NDUFS5: variants seen among roughly 807,000 people sequenced by gnomAD.
NDUFS5 encodes NADH:ubiquinone oxidoreductase subunit S5.
NDUFS5 carries 7 observed loss-of-function variants against 10.5 expected under a neutral mutation model. The observed-to-expected ratio is 0.66, with a 90% CI of 0.38 to 1.25. The LOEUF (loss-of-function observed/expected upper bound fraction) is 1.25. NDUFS5 is among the 50% of genes most tolerant of loss of function. The pLI is 0.02. For missense variants in NDUFS5, 148 were observed against 140.7 expected (o/e 1.05, Z -0.26); for synonymous variants, 38 against 44.0 (o/e 0.86, Z 0.54).
intron 1 of NDUFS5, among the ~76,000 whole-genome samples, chr1:39,028,395 C>T (rs549861327): frequency 2.0e-4 from 30 of 152,096 alleles, no homozygotes; most frequent in Admixed American, 4.6e-4. Context: ...TTGCACCATG[C>T]GCTGCAGCCT....
At chr1:39,029,285 G>A (rs985643234) in intron 2 of NDUFS5, among the ~76,000 whole-genome samples, 4 of 152,080 alleles carry the variant, frequency 2.6e-5, no homozygotes, top group Admixed American at 2.6e-4. Flanking sequence ...GAGCCACCGT[G>A]CCTGGCCTCC....
intron 2 of NDUFS5, among the ~76,000 whole-genome samples, chr1:39,033,364 GA>G (rs1375173693): frequency 1.3e-5 from 2 of 151,776 alleles, no homozygotes; most frequent in African/African-American, 4.8e-5. Flanking sequence ...ACGAGGTCAG[GA>G]GATCGAGACC....
chr1:39,028,985 T>C, intron 2 of NDUFS5, 45 bp downstream of exon 2: 1 of 1,525,910 alleles, frequency 6.6e-7, no homozygotes, highest in African/African-American at 1.5e-5. Context: ...TTCTTGTTCC[T>C]TTGGGACTCT....
chr1:39,033,117 C>G (rs1268458811), intron 2 of NDUFS5, among the ~76,000 whole-genome samples: 1 of 152,122 alleles, frequency 6.6e-6, no homozygotes, highest in African/African-American at 2.4e-5. Context: ...GCAACCAATG[C>G]CCTGAGTAGA....
At chr1:39,029,033 C>T in intron 2 of NDUFS5, 93 bp downstream of exon 2, 1 of 1,216,054 alleles carries the variant, frequency 8.2e-7, no homozygotes, top group Non-Finnish European at 1.1e-6. Flanking sequence ...ACTCTTGTCC[C>T]CTAGGCTGGT....
intron 2 of NDUFS5, among the ~76,000 whole-genome samples, chr1:39,030,430 G>A (rs1287105868): frequency 7.7e-6 from 1 of 129,810 alleles, no homozygotes; most frequent in Non-Finnish European, 1.6e-5. Flanking sequence ...AAGATGGCCC[G>A]GCACAGTAGC....
intron 2 of NDUFS5, among the ~76,000 whole-genome samples, chr1:39,031,928 C>T (rs769196678): frequency 6.6e-6 from 1 of 152,014 alleles, no homozygotes; most frequent in East Asian, 1.9e-4. Context: ...GAGGCTGAGG[C>T]GGTGGATTAC....
chr1:39,030,724 A>G lies in NDUFS5; in HGVS notation c.216+1784A>G, dbSNP rs111463673. 2.3e-4 allele frequency among the ~76,000 whole-genome samples: 4 copies of G among 17,354 alleles called. No homozygotes were observed. In the Non-Finnish European group the frequency reaches 2.5e-3, roughly 11 times the overall value. The allele number at this position is 17,354 out of a possible 152,430, so 11.4% of individuals were successfully genotyped here. ...GACAGAGCGAGACTCTGTCTCAAGA[A>G]AAAAAAAAAAGAAAATAAAAAAAAG... On this transcript the variant is annotated intron_variant, in intron 2 of 2. Coordinates refer to ENST00000372969, the MANE Select transcript of NDUFS5 (RefSeq NM_004552.3).
intron 2 of NDUFS5, among the ~76,000 whole-genome samples, chr1:39,030,098 A>T (rs565394391): frequency 1.4e-4 from 21 of 151,002 alleles, no homozygotes; most frequent in African/African-American, 5.1e-4. Flanking sequence ...CTCTAAAAAA[A>T]AAACCAAAAA....
intron 1 of NDUFS5, among the ~76,000 whole-genome samples, chr1:39,027,581 G>GTTTTTTTTTTTTTGTTTTTTTTTTT (rs1644158774): frequency 1.1e-5 from 1 of 91,134 alleles, no homozygotes; most frequent in Non-Finnish European, 2.2e-5. Flanking sequence ...TTTCGCTCTG[G>GTTTTTTTTTTTTTGTTTTTTTTTTT]TTTTTTTTTT....
At chr1:39,029,244 C>T (rs915492926) in intron 2 of NDUFS5, among the ~76,000 whole-genome samples, 2 of 152,124 alleles carry the variant, frequency 1.3e-5, no homozygotes, top group African/African-American at 4.8e-5. Context: ...CCGCCCCCCT[C>T]AGCCTCCCAA....
At chr1:39,033,311 C>T (rs910650381) in intron 2 of NDUFS5, among the ~76,000 whole-genome samples, 4 of 152,032 alleles carry the variant, frequency 2.6e-5, no homozygotes, top group Non-Finnish European at 4.4e-5. Flanking sequence ...CGGTGGCTCA[C>T]GCCTGTAATC....
chr1:39,028,879 C>A lies in NDUFS5; in HGVS notation c.155C>A (p.Ala52Glu). ...ECAHGIGYTR[A>E]EKECKIEYDD... Reference sequence around the variant, plus strand: ...GCACATGGAATCGGTTATACTCGGGCAGAGAAAGAGTGCAAGATAGAATAT... The same window carrying A: ...GCACATGGAATCGGTTATACTCGGGAAGAGAAAGAGTGCAAGATAGAATAT... Residue 52 changes from alanine to glutamate, a missense_variant, in exon 2 of 3, where the codon GCA (alanine) becomes GAA (glutamate). Coordinates refer to ENST00000372969, the MANE Select transcript of NDUFS5 (RefSeq NM_004552.3). 1 of 1,613,868 alleles carries A rather than the reference C, an allele frequency of 6.2e-7. No homozygotes were observed. Among genetic ancestry groups the A allele is most frequent in the Non-Finnish European group, 8.5e-7 (1 of 1,180,000 alleles).
intron 1 of NDUFS5, among the ~76,000 whole-genome samples, chr1:39,027,581 G>GTTTTTTGTTTT (rs1644158713): frequency 1.1e-5 from 1 of 91,134 alleles, no homozygotes; most frequent in Admixed American, 1.4e-4. Context: ...TTTCGCTCTG[G>GTTTTTTGTTTT]TTTTTTTTTT....
At chr1:39,027,089 A>G (rs1349221299) in intron 1 of NDUFS5, among the ~76,000 whole-genome samples, 1 of 152,096 alleles carries the variant, frequency 6.6e-6, no homozygotes, top group Non-Finnish European at 1.5e-5. Flanking sequence ...TTTTGTTGAG[A>G]TGGAGTTTCG....
intron 1 of NDUFS5, among the ~76,000 whole-genome samples, chr1:39,027,811 CTTCTTTTTTT>C (rs1644162078): frequency 1.7e-5 from 1 of 58,624 alleles, no homozygotes; most frequent in Admixed American, 2.4e-4. Context: ...TTTTCTTCTT[CTTCTTTTTTT>C]TTTTTTTTTT....
At chr1:39,026,945 A>T (rs1180227136) in intron 1 of NDUFS5, among the ~76,000 whole-genome samples, 1 of 152,220 alleles carries the variant, frequency 6.6e-6, no homozygotes, top group Non-Finnish European at 1.5e-5. Flanking sequence ...CTTGCAGTGT[A>T]TTCGCAATTC....
chr1:39,028,470 T>C (rs749693186), intron 1 of NDUFS5, among the ~76,000 whole-genome samples: 2 of 152,006 alleles, frequency 1.3e-5, no homozygotes, highest in Non-Finnish European at 2.9e-5. Flanking sequence ...GAGAAAGGAT[T>C]TCTATGCATT....
At chr1:39,032,827 G>A (rs1644198459) in intron 2 of NDUFS5, among the ~76,000 whole-genome samples, 1 of 152,170 alleles carries the variant, frequency 6.6e-6, no homozygotes, top group African/African-American at 2.4e-5. Context: ...ATGTGGTTAT[G>A]AGGGAAGAAT....
Sources: gnomAD v4.1 joint callset for allele counts (sites outside exome capture counted in the v4.1 genomes callset) on GRCh38, gnomAD v4.1.1 for gene constraint, MANE v1.5 for transcripts, NCBI Gene and HGNC (gene_info 2026-07-23, HGNC 2026-07-21) for gene names.